Variants in SHCBP1L observed in about 807,000 individuals in gnomAD.
SHCBP1L encodes testicular spindle-associated protein SHCBP1L.
Under a neutral mutation model 62.5 loss-of-function variants are expected in SHCBP1L, and 67 were observed. The observed-to-expected ratio is 1.07, with a 90% CI of 0.88 to 1.31. The LOEUF (loss-of-function observed/expected upper bound fraction) is 1.31, where lower values mean the gene tolerates loss of function less well. Among genes scored for constraint, SHCBP1L ranks in the 40% most tolerant of loss-of-function variants. SHCBP1L has a pLI of 0.00. For missense variants in SHCBP1L, 823 were observed against 809.8 expected, an observed-to-expected ratio of 1.02 and a Z score of -0.20; for synonymous variants, 284 against 289.4, an observed-to-expected ratio of 0.98 and a Z score of 0.19.
chr1:182,952,207 T>G (rs1558007561), intron 1 of SHCBP1L, among the ~76,000 whole-genome samples: 1 of 43,586 alleles, frequency 2.3e-5, no homozygotes, highest in African/African-American at 1.1e-4. Flanking sequence ...TATATATATA[T>G]ATATATATAT....
chr1:182,934,865 GT>G (rs1357799235), intron 5 of SHCBP1L, among the ~76,000 whole-genome samples: 4 of 152,088 alleles, frequency 2.6e-5, no homozygotes, highest in Non-Finnish European at 4.4e-5. Context: ...CTAGGTTCAC[GT>G]TTTTGGATAT....
intron 5 of SHCBP1L, among the ~76,000 whole-genome samples, chr1:182,938,310 T>C (rs1189545993): frequency 6.6e-6 from 1 of 152,120 alleles, no homozygotes; most frequent in Non-Finnish European, 1.5e-5. Flanking sequence ...TTTCTCCATG[T>C]TGAGGCTGGT....
chr1:182,903,158 C>T lies in SHCBP1L; in HGVS notation c.1591G>A (p.Ala531Thr), dbSNP rs1557988125. ...CTTCCAGGATACAGTTCAACACCAG[C>T]ACCCTGTAAATTAAAAGCAAATAAA... ...TDSEITGAQG[A>T]GVELYPGSIA... The change falls in exon 9 of 10, where the codon GCT (alanine) becomes ACT (threonine). Residue 531 changes from alanine to threonine, a missense_variant. Coordinates refer to ENST00000367547, the MANE Select transcript of SHCBP1L (RefSeq NM_030933.4). The T allele has an allele frequency of 2.6e-6, 4 of 1,543,084 alleles. No homozygotes were observed. Among genetic ancestry groups the T allele is most frequent in the Non-Finnish European group, 2.6e-6 (3 of 1,147,816 alleles).
intron 6 of SHCBP1L, among the ~76,000 whole-genome samples, chr1:182,906,342 T>C (rs1029216973): frequency 5.9e-5 from 9 of 152,212 alleles, no homozygotes; most frequent in Non-Finnish European, 1.0e-4. Flanking sequence ...TGCAGTTCAA[T>C]ATGACACCAG....
intron 6 of SHCBP1L, 35 bp from the exon 7 acceptor site, chr1:182,905,684 T>C: frequency 6.3e-7 from 1 of 1,588,360 alleles, no homozygotes; most frequent in South Asian, 1.1e-5. Context: ...CTTTCAATAA[T>C]AGGTTAAACT....
chr1:182,911,928 G>A (rs921696438), intron 6 of SHCBP1L, among the ~76,000 whole-genome samples: 1 of 152,148 alleles, frequency 6.6e-6, no homozygotes, highest in African/African-American at 2.4e-5. Context: ...AGAGAGAAAA[G>A]GGTGTGCTGT....
At chr1:182,943,424 G>GT (rs985055214) in intron 2 of SHCBP1L, among the ~76,000 whole-genome samples, 4 of 148,956 alleles carry the variant, frequency 2.7e-5, no homozygotes, top group East Asian at 2.0e-4. Context: ...GCCTGGCCTA[G>GT]TTTTTTTTGT....
At chr1:182,933,122 T>G (rs917432022) in intron 5 of SHCBP1L, among the ~76,000 whole-genome samples, 7 of 152,032 alleles carry the variant, frequency 4.6e-5, no homozygotes, top group Non-Finnish European at 7.4e-5. Context: ...GTCAGGCTGG[T>G]CTCGAACTCC....
intron 6 of SHCBP1L, among the ~76,000 whole-genome samples, chr1:182,921,627 A>G (rs1466895803): frequency 1.3e-5 from 2 of 152,202 alleles, no homozygotes; most frequent in African/African-American, 2.4e-5. Context: ...CATCTCAGGC[A>G]GGGCGTGGTG....
chr1:182,942,341 G>T (rs1003771822), intron 2 of SHCBP1L: 3 of 795,140 alleles, frequency 3.8e-6, no homozygotes, highest in East Asian at 2.4e-5. Context: ...CAACCGCCCC[G>T]ATCTCCTGTT....
chr1:182,953,039 C>T lies in SHCBP1L; in HGVS notation c.95G>A (p.Gly32Glu). Residue 32 changes from glycine to glutamate, a missense_variant, in exon 1 of 10, where the codon GGG becomes GAG. By Grantham distance (98) the Gly-to-Glu change is moderately conservative. Transcript: ENST00000367547. Reference protein sequence around the residue: ...RGEKSASAVSGDTAAATTLKG... With the variant: ...RGEKSASAVSEDTAAATTLKG... ...CAGGGTGGTCGCGGCCGCCGTGTCCCCGGAGACAGCGGAGGCGGACTTCTC... is the reference window on the plus strand; with the variant it reads ...CAGGGTGGTCGCGGCCGCCGTGTCCTCGGAGACAGCGGAGGCGGACTTCTC... 1 of 1,544,958 alleles carries T rather than the reference C, an allele frequency of 6.5e-7. No homozygotes were observed. The highest frequency in any genetic ancestry group is 8.7e-7 in the Non-Finnish European group (1 of 1,150,586).
intron 6 of SHCBP1L, among the ~76,000 whole-genome samples, chr1:182,907,771 G>T (rs1650062286): frequency 1.3e-5 from 2 of 151,964 alleles, no homozygotes; most frequent in African/African-American, 4.8e-5. Flanking sequence ...TGGAGACGGG[G>T]TTTCACCATG....
At chr1:182,901,585 C>T (rs1211691728) in intron 9 of SHCBP1L, among the ~76,000 whole-genome samples, 4 of 152,156 alleles carry the variant, frequency 2.6e-5, no homozygotes, top group African/African-American at 4.8e-5. Context: ...AAGGAGATTA[C>T]GTTGGAGAAA....
In SHCBP1L at chr1:182,952,962, T is replaced by C; in HGVS notation, c.172A>G (p.Lys58Glu). The C allele has an allele frequency of 1.3e-6, 2 of 1,546,064 alleles. No homozygotes were observed. The highest frequency in any genetic ancestry group is 1.7e-6 in the Non-Finnish European group (2 of 1,148,346). Residue 58 changes from lysine (K) to glutamate (E), a missense_variant, in exon 1 of 10, where the codon AAG (lysine) becomes GAG (glutamate). Transcript: ENST00000367547. ...RSVVASPRPV[K>E]GKAGRETARL... ...GCCGTCTCCCGGCCCGCTTTCCCCT[T>C]CACCGGGCGAGGGGAGGCCACCACC...
At chr1:182,938,554 C>T (rs578011163) in intron 5 of SHCBP1L, among the ~76,000 whole-genome samples, 39 of 151,360 alleles carry the variant, frequency 2.6e-4, no homozygotes, top group African/African-American at 8.7e-4. Flanking sequence ...TCAAACTCTT[C>T]GGCTCAAGTG....
chr1:182,946,527 C>A (rs1385287058), intron 2 of SHCBP1L, among the ~76,000 whole-genome samples: 1 of 152,042 alleles, frequency 6.6e-6, no homozygotes, highest in East Asian at 1.9e-4. Context: ...AGGATCCCAA[C>A]ATTCAGTACC....
intron 5 of SHCBP1L, among the ~76,000 whole-genome samples, chr1:182,930,549 GTGTATA>G (rs1468637892): frequency 6.1e-5 from 3 of 48,840 alleles, no homozygotes; most frequent in East Asian, 6.6e-4. Flanking sequence ...TTTAGTGTGT[GTGTATA>G]TATATATATA....
At chr1:182,926,216 A>T (rs1197154615) in intron 6 of SHCBP1L, among the ~76,000 whole-genome samples, 1 of 152,212 alleles carries the variant, frequency 6.6e-6, no homozygotes, top group East Asian at 1.9e-4. Flanking sequence ...AAAGGAAAAA[A>T]GATACCAAAA....
intron 2 of SHCBP1L, among the ~76,000 whole-genome samples, chr1:182,951,109 T>A (rs1651727650): frequency 6.6e-6 from 1 of 152,226 alleles, no homozygotes; most frequent in Admixed American, 6.5e-5. Flanking sequence ...AAATATTGTC[T>A]GATACTACTA....
Sources: gnomAD v4.1 joint callset for allele counts (sites outside exome capture counted in the v4.1 genomes callset) on GRCh38, gnomAD v4.1.1 for gene constraint, MANE v1.5 for transcripts, NCBI Gene and HGNC (gene_info 2026-07-23, HGNC 2026-07-21) for gene names.